CDK17: variants seen among roughly 807,000 people sequenced by gnomAD.
CDK17 encodes cyclin-dependent kinase 17.
Under a neutral mutation model 77.6 loss-of-function variants are expected in CDK17, and 24 were observed. That is an observed-to-expected ratio of 0.31 (90% CI 0.22 to 0.44). CDK17 has a LOEUF of 0.44. CDK17 is among the 20% of genes least tolerant of loss of function. The pLI is 1.00. For missense variants in CDK17, 429 were observed against 622.5 expected (o/e 0.69, Z 3.31); for synonymous variants, 203 against 210.4 (o/e 0.96, Z 0.30).
chr12:96,367,282 T>G (rs1592757132), intron 1 of CDK17, among the ~76,000 whole-genome samples: 1 of 130,952 alleles, frequency 7.6e-6, no homozygotes. Context: ...GAGGTGGAGG[T>G]TGCAGTGAGC....
At chr12:96,320,528 G>T (rs1952801435) in intron 3 of CDK17, among the ~76,000 whole-genome samples, 1 of 147,932 alleles carries the variant, frequency 6.8e-6, no homozygotes, top group South Asian at 2.2e-4. Context: ...GAACAAAGCT[G>T]GAGGCATCAC....
At chr12:96,341,152 C>A (rs1953116029) in intron 1 of CDK17, among the ~76,000 whole-genome samples, 3 of 152,154 alleles carry the variant, frequency 2.0e-5, no homozygotes, top group African/African-American at 7.2e-5. Context: ...TGGAGGCCAT[C>A]ATCCTACGCT....
chr12:96,342,939 G>A (rs1953143301), intron 1 of CDK17, among the ~76,000 whole-genome samples: 1 of 150,226 alleles, frequency 6.7e-6, no homozygotes, highest in African/African-American at 2.5e-5. Context: ...TCCAGCCTGG[G>A]CCAACAAGAG....
intron 1 of CDK17, chr12:96,335,282 T>C: frequency 3.4e-6 from 1 of 292,224 alleles, no homozygotes; most frequent in Non-Finnish European, 6.6e-6. Context: ...GGTGAGGTAA[T>C]GGAGGAAGAC....
intron 5 of CDK17, among the ~76,000 whole-genome samples, chr12:96,302,485 A>G (rs372312987): frequency 1.3e-5 from 2 of 152,144 alleles, no homozygotes; most frequent in East Asian, 1.9e-4. Flanking sequence ...TTTGCCATGA[A>G]TTTTAAGTTT....
At chr12:96,287,172 T>C (rs1952257150) in intron 11 of CDK17, among the ~76,000 whole-genome samples, 1 of 152,146 alleles carries the variant, frequency 6.6e-6, no homozygotes, top group Non-Finnish European at 1.5e-5. Flanking sequence ...TATGGTAATC[T>C]AGGAGATGAC....
intron 6 of CDK17, 45 bp from the exon 7 acceptor site, chr12:96,299,028 G>T (rs1592712135): frequency 2.1e-6 from 2 of 936,474 alleles, no homozygotes; most frequent in East Asian, 4.9e-5. Context: ...TATCATAAGA[G>T]TCTATTTAAT....
chr12:96,298,033 G>C (rs910326252), intron 7 of CDK17, among the ~76,000 whole-genome samples: 1 of 152,048 alleles, frequency 6.6e-6, no homozygotes, highest in African/African-American at 2.4e-5. Flanking sequence ...GCTCATGCCT[G>C]TAATCCCAGC....
intron 2 of CDK17, among the ~76,000 whole-genome samples, chr12:96,330,791 A>G (rs1383066256): frequency 6.6e-6 from 1 of 152,214 alleles, no homozygotes; most frequent in East Asian, 1.9e-4. Context: ...GCTGTTGTGA[A>G]TAGTGCTGCT....
rs1322404407 is a variant in CDK17, at chr12:96,317,023, C to A, written c.284-3569G>T. Among the ~76,000 whole-genome samples the A allele has an allele frequency of 9.5e-4, 133 of 139,326 alleles. 1 individual carries two copies. The highest frequency in any genetic ancestry group is 3.0e-4 in the Non-Finnish European group (19 of 64,146). 91.4% of individuals were successfully genotyped at this position (139,326 alleles called of 152,430 possible). ...CAAATTACTCTGAGCTACGGGAGGA[C>A]ATTCAAACCAAAGGCAAAGAAGTTG... On this transcript the variant is annotated intron_variant, in intron 3 of 16. Coordinates refer to ENST00000261211, the MANE Select transcript of CDK17 (RefSeq NM_002595.5).
chr12:96,312,665 A>ATT (rs946120702), intron 4 of CDK17, among the ~76,000 whole-genome samples: 14 of 151,214 alleles, frequency 9.3e-5, no homozygotes, highest in African/African-American at 3.4e-4. Flanking sequence ...AACATGTTCA[A>ATT]TTTTTTTTTG....
chr12:96,355,573 T>C (rs2137179446), intron 1 of CDK17, among the ~76,000 whole-genome samples: 1 of 151,924 alleles, frequency 6.6e-6, no homozygotes, highest in East Asian at 1.9e-4. Flanking sequence ...TCCACCTAAT[T>C]TTTTCTGTAT....
At chr12:96,369,348 A>G (rs941785732) in intron 1 of CDK17, among the ~76,000 whole-genome samples, 4 of 152,200 alleles carry the variant, frequency 2.6e-5, no homozygotes, top group African/African-American at 9.6e-5. Context: ...AAAAAACTTG[A>G]CAACACTAAG....
chr12:96,308,126 G>A (rs1294600494), intron 5 of CDK17, among the ~76,000 whole-genome samples: 1 of 150,934 alleles, frequency 6.6e-6, no homozygotes, highest in South Asian at 2.1e-4. Flanking sequence ...TGCTATGGGC[G>A]GCTCACACCT....
intron 1 of CDK17, among the ~76,000 whole-genome samples, chr12:96,374,355 T>C (rs1224230831): frequency 6.6e-6 from 1 of 152,174 alleles, no homozygotes; most frequent in East Asian, 1.9e-4. Flanking sequence ...TAAAAATTAA[T>C]CTCTGGGGCC....
At chr12:96,383,366 C>T (rs1176077493) in intron 1 of CDK17, among the ~76,000 whole-genome samples, 1 of 146,736 alleles carries the variant, frequency 6.8e-6, no homozygotes, top group Non-Finnish European at 1.5e-5. Flanking sequence ...AATGCTATTC[C>T]TATCAAACTA....
At position 96,298,865 on chromosome 12, in the gene CDK17, A is replaced by G; in HGVS notation, c.715+4T>C. On this transcript the variant is annotated splice_donor_region_variant and intron_variant, in intron 7 of 16. Transcript: ENST00000261211. ...TTTTAAAATGTTCTGTATAATTATT[A>G]TACCTTCTCTTATAGCTGTGCAGGG... The G allele has an allele frequency of 1.4e-6, 2 of 1,475,162 alleles. No individual in the cohort carries two copies. Among genetic ancestry groups the G allele is most frequent in the Non-Finnish European group, 1.9e-6 (2 of 1,063,964 alleles). 91.4% of individuals were successfully genotyped at this position (1,475,162 alleles called of 1,614,324 possible). A position where few individuals can be genotyped will look rare whatever the true frequency, so the allele number is the denominator to read the frequency against.
In CDK17 at chr12:96,279,951, C is replaced by T. The variant is rs1952153488; in HGVS notation, c.*291G>A. ...CAATGATTCCGCAATAAATAATGCA[C>T]TGTGTTTCTCAGTCCTGCACAAAAA... is the stretch of plus-strand genomic sequence containing the variant. On this transcript the variant is annotated 3_prime_UTR_variant, in exon 17 of 17. Transcript: ENST00000261211. 1 of 306,186 alleles carries T rather than the reference C, an allele frequency of 3.3e-6. No individual in the cohort carries two copies. The highest frequency in any genetic ancestry group is 6.0e-6 in the Non-Finnish European group (1 of 167,958). 19.0% of individuals were successfully genotyped at this position (306,186 alleles called of 1,614,324 possible).
chr12:96,297,575 A>G, intron 8 of CDK17, 52 bp downstream of exon 8: 1 of 1,122,318 alleles, frequency 8.9e-7, no homozygotes, highest in Non-Finnish European at 1.3e-6. Context: ...AGTCCAATTT[A>G]CTATGTTTTT....
Sources: gnomAD v4.1 joint callset for allele counts (sites outside exome capture counted in the v4.1 genomes callset) on GRCh38, gnomAD v4.1.1 for gene constraint, MANE v1.5 for transcripts, NCBI Gene and HGNC (gene_info 2026-07-23, HGNC 2026-07-21) for gene names.